RPP14: variants seen among roughly 807,000 people sequenced by gnomAD.
RPP14 encodes the protein ribonuclease P/MRP subunit p14, also known as ribonuclease P protein subunit p14.
A neutral mutation model predicts 17.8 loss-of-function variants in RPP14; 19 were observed. The observed-to-expected ratio is 1.07, with a 90% CI of 0.74 to 1.57. RPP14 has a LOEUF of 1.57. Ranked by LOEUF, RPP14 falls within the 40% of genes most tolerant of loss-of-function variation. The probability of loss-of-function intolerance (pLI) is 0.00; values close to 1 mark genes in which losing one functional copy is unlikely to be tolerated. For synonymous variants in RPP14, 60 were observed against 56.4 expected (o/e 1.06, Z -0.29); for missense variants, 125 against 140.8 (o/e 0.89, Z 0.57).
chr3:58,316,563 T>C lies in RPP14; in HGVS notation c.211T>C (p.Leu71=), dbSNP rs2097488487. 6 of 1,613,962 alleles carry C rather than the reference T, an allele frequency of 3.7e-6. No individual in the cohort carries two copies. The highest frequency in any genetic ancestry group is 5.1e-6 in the Non-Finnish European group (6 of 1,179,954). ...LDILTYEEKT[L]SAILRICSSG... Reference sequence around the variant, plus strand: ...CATCCTAACCTATGAAGAGAAGACCTTGTCAGCCATCTTGAGAATATGTAG... The same window carrying C: ...CATCCTAACCTATGAAGAGAAGACCCTGTCAGCCATCTTGAGAATATGTAG... Residue 71 remains leucine, a synonymous_variant, in exon 4 of 6, where the codon TTG becomes CTG. Transcript: ENST00000295959.
At position 58,317,927 on chromosome 3, in the gene RPP14, G is replaced by C; in HGVS notation, c.*431G>C. The C allele has an allele frequency of 1.4e-6, 1 of 702,890 alleles. No individual in the cohort carries two copies. Among genetic ancestry groups the C allele is most frequent in the South Asian group, 1.5e-5 (1 of 67,580 alleles). 43.5% of individuals were successfully genotyped at this position (702,890 alleles called of 1,614,324 possible). ...GGAACTAAAATGCCAGGGCCAGGCTGTGTATTTCTTTCCCAGGAAATTAGC... is the reference window on the plus strand; with the variant it reads ...GGAACTAAAATGCCAGGGCCAGGCTCTGTATTTCTTTCCCAGGAAATTAGC... On this transcript the variant is annotated 3_prime_UTR_variant, in exon 6 of 6. Coordinates refer to ENST00000295959, the MANE Select transcript of RPP14 (RefSeq NM_007042.6).
chr3:58,319,908 A>C lies in RPP14; in HGVS notation c.*2412A>C, dbSNP rs1237862327. 1 of 152,192 alleles carries C rather than the reference A, an allele frequency of 6.6e-6. No homozygotes were observed. The highest frequency in any genetic ancestry group is 2.4e-5 in the African/African-American group (1 of 41,438). The allele number at this position is 152,192 out of a possible 1,614,324, so 9.4% of individuals were successfully genotyped here. A position where few individuals can be genotyped will look rare whatever the true frequency, so the allele number is the denominator to read the frequency against. ...TTTCAGAATATCCACAAAGTTGTAC[A>C]ACCATCACCAAATCAATTTTTTATA... is the stretch of plus-strand genomic sequence containing the variant. On this transcript the variant is annotated 3_prime_UTR_variant, in exon 6 of 6. Transcript: ENST00000295959.
intron 3 of RPP14, among the ~76,000 whole-genome samples, chr3:58,312,960 C>CAAA (rs35853424): frequency 2.0e-4 from 16 of 79,012 alleles, no homozygotes; most frequent in African/African-American, 2.5e-4. Context: ...GACTCTGTCT[C>CAAA]AAAAAAAAAA....
Position 58,317,702 on chromosome 3 carries a change from ACTTT to A in RPP14, c.*208_*211del, listed in dbSNP as rs1298406455. ...AACCTGCCAGTGCTGACCCTGCAGC[ACTTT>A]CAGCATATGCACATCAAAGTTGGAG... On this transcript the variant is annotated 3_prime_UTR_variant, in exon 6 of 6. Transcript: ENST00000295959. The A allele has an allele frequency of 7.1e-6, 5 of 704,244 alleles. No homozygotes were observed. In the Admixed American group the frequency reaches 1.0e-4, roughly 14 times the overall value. 43.6% of individuals were successfully genotyped at this position (704,244 alleles called of 1,614,324 possible).
chr3:58,314,698 T>G (rs998235711), intron 3 of RPP14, among the ~76,000 whole-genome samples: 3 of 145,546 alleles, frequency 2.1e-5, no homozygotes, highest in African/African-American at 5.2e-5. Context: ...TTTTTTTTTT[T>G]TTGTTGAGAT....
Position 58,316,894 on chromosome 3 carries a change from A to G in RPP14, c.240-21A>G, listed in dbSNP as rs78458217. On this transcript the variant is annotated intron_variant, in intron 4 of 5. Transcript: ENST00000295959. The stretch of plus-strand genomic sequence containing the variant: ...GTTCTCTGTCTATGACACACTATGT[A>G]TTTTCTTGATCTTTCTGCAGTGGTC... 5,063 of 1,598,156 alleles carry G rather than the reference A, an allele frequency of 3.2e-3. 155 individuals are homozygous for G. In the African/African-American group the frequency reaches 0.06, roughly 19 times the overall value.
chr3:58,314,346 G>C (rs2097485892), intron 3 of RPP14, among the ~76,000 whole-genome samples: 1 of 152,062 alleles, frequency 6.6e-6, no homozygotes, highest in Non-Finnish European at 1.5e-5. Flanking sequence ...GAGAGACTCT[G>C]TCTCAAAAAA....
intron 1 of RPP14, 146 bp from the exon 2 acceptor site, chr3:58,310,163 T>C: frequency 1.6e-6 from 1 of 617,224 alleles, no homozygotes; most frequent in South Asian, 2.0e-5. Flanking sequence ...ACTCTGATTG[T>C]ACCACTGCAC....
intron 1 of RPP14, 96 bp downstream of exon 1, chr3:58,306,513 G>A (rs1052282861): frequency 2.0e-5 from 3 of 152,242 alleles, no homozygotes; most frequent in Non-Finnish European, 4.4e-5. Flanking sequence ...TGCGCCTTGG[G>A]TAGCTTGTCC....
At chr3:58,314,397 C>G (rs186474762) in intron 3 of RPP14, among the ~76,000 whole-genome samples, 2 of 152,138 alleles carry the variant, frequency 1.3e-5, no homozygotes, top group Admixed American at 6.5e-5. Flanking sequence ...CAGAACTCAA[C>G]CAAACAATTC....
In RPP14 at chr3:58,317,736, C is replaced by T. The variant is rs532417550; in HGVS notation, c.*240C>T. ...ATATGCACATCAAAGTTGGAGACCGCGCTGAACTTAGGAGGGCCTTCACAC... is the reference window on the plus strand; with the variant it reads ...ATATGCACATCAAAGTTGGAGACCGTGCTGAACTTAGGAGGGCCTTCACAC... On this transcript the variant is annotated 3_prime_UTR_variant, in exon 6 of 6. Coordinates refer to ENST00000295959, the MANE Select transcript of RPP14 (RefSeq NM_007042.6). 2.6e-5 allele frequency: 18 copies of T among 703,542 alleles called. No homozygotes were observed. The highest frequency in any genetic ancestry group is 1.0e-4 in the African/African-American group (6 of 57,374). 43.6% of individuals were successfully genotyped at this position (703,542 alleles called of 1,614,324 possible). A position where few individuals can be genotyped will look rare whatever the true frequency, so the allele number is the denominator to read the frequency against.
intron 3 of RPP14, among the ~76,000 whole-genome samples, chr3:58,314,232 C>T (rs2097485551): frequency 6.6e-6 from 1 of 152,042 alleles, no homozygotes; most frequent in African/African-American, 2.4e-5. Context: ...ATGCCTGTAA[C>T]CCCAGCTACT....
chr3:58,310,150 T>C lies in RPP14; in HGVS notation c.-21-159T>C, dbSNP rs1472209169. The C allele has an allele frequency of 5.2e-5, 31 of 597,020 alleles. No individual in the cohort carries two copies. The East Asian group carries it at 8.7e-4, about 17-fold the overall frequency. 37.0% of individuals were successfully genotyped at this position (597,020 alleles called of 1,614,324 possible). On this transcript the variant is annotated intron_variant, in intron 1 of 5. Transcript: ENST00000295959. ...CGAGAGCCAGAGGTGGAGGCTGCAG[T>C]GAACTCTGATTGTACCACTGCACTT...
At position 58,317,724 on chromosome 3, in the gene RPP14, A is replaced by C; in HGVS notation, c.*228A>C. On this transcript the variant is annotated 3_prime_UTR_variant, in exon 6 of 6. Coordinates refer to ENST00000295959, the MANE Select transcript of RPP14 (RefSeq NM_007042.6). ...AGCACTTTCAGCATATGCACATCAA[A>C]GTTGGAGACCGCGCTGAACTTAGGA... 4.3e-6 allele frequency: 3 copies of C among 703,764 alleles called. No individual in the cohort carries two copies. The highest frequency in any genetic ancestry group is 5.2e-6 in the Non-Finnish European group (2 of 385,048). The allele number at this position is 703,764 out of a possible 1,614,324, so 43.6% of individuals were successfully genotyped here.
At chr3:58,308,964 A>T (rs1440560591) in intron 1 of RPP14, among the ~76,000 whole-genome samples, 2 of 152,234 alleles carry the variant, frequency 1.3e-5, no homozygotes, top group Non-Finnish European at 2.9e-5. Flanking sequence ...AGAGATGAGC[A>T]TGTTCTACGT....
At chr3:58,317,323 C>G in intron 5 of RPP14, 117 bp from the exon 6 acceptor site, 1 of 684,748 alleles carries the variant, frequency 1.5e-6, no homozygotes, top group South Asian at 1.9e-5. Flanking sequence ...TCAGGATGCT[C>G]TGTAAAATGC....
intron 1 of RPP14, among the ~76,000 whole-genome samples, chr3:58,307,406 G>C (rs1371234821): frequency 6.6e-6 from 1 of 152,192 alleles, no homozygotes; most frequent in Non-Finnish European, 1.5e-5. Flanking sequence ...CAGATTAGGA[G>C]CATCCCTGCG....
intron 3 of RPP14, among the ~76,000 whole-genome samples, chr3:58,311,905 C>T (rs987372110): frequency 2.6e-5 from 4 of 152,122 alleles, no homozygotes; most frequent in African/African-American, 4.8e-5. Flanking sequence ...TGAAGTCTTG[C>T]CGTGATGCCC....
At position 58,316,530 on chromosome 3, in the gene RPP14, C is replaced by T. The variant is rs746497593; in HGVS notation, c.178C>T (p.Pro60Ser). ...CCATATGCAGGTTGATGCCGCCTTACCTTTGGACATCCTAACCTATGAAGA... is the reference window on the plus strand; with the variant it reads ...CCATATGCAGGTTGATGCCGCCTTATCTTTGGACATCCTAACCTATGAAGA... ...DLFGEVDAAL[P>S]LDILTYEEKT... Residue 60 changes from proline to serine, a missense_variant, in exon 4 of 6, where the codon CCT becomes TCT. Pro to Ser is a moderately conservative substitution (Grantham distance 74, BLOSUM62 -1). Transcript: ENST00000295959. 2.2e-5 allele frequency: 36 copies of T among 1,613,912 alleles called. No homozygotes were observed. The South Asian group carries it at 3.8e-4, about 17-fold the overall frequency.
Sources: gnomAD v4.1 joint callset for allele counts (sites outside exome capture counted in the v4.1 genomes callset) on GRCh38, gnomAD v4.1.1 for gene constraint, MANE v1.5 for transcripts, NCBI Gene and HGNC (gene_info 2026-07-23, HGNC 2026-07-21) for gene names.